ADAMTSL1: variants seen among roughly 807,000 people sequenced by gnomAD.
The protein encoded by ADAMTSL1 is ADAMTS-like protein 1.
A neutral mutation model predicts 201.8 loss-of-function variants in ADAMTSL1; 126 were observed. The ratio of observed to expected loss-of-function variants is 0.62; its 90% CI spans 0.54 to 0.72. The LOEUF (loss-of-function observed/expected upper bound fraction) is 0.72, where lower values mean the gene tolerates loss of function less well. Ranked by LOEUF, ADAMTSL1 falls within the 30% of genes least tolerant of loss-of-function variation. The pLI, the probability that ADAMTSL1 is intolerant of heterozygous loss-of-function variation, is 0.00. For synonymous variants in ADAMTSL1, 1,121 were observed against 903.4 expected (o/e 1.24, Z -4.32); for missense variants, 2,679 against 2,277.8 (o/e 1.18, Z -3.59).
intron 2 of ADAMTSL1, among the ~76,000 whole-genome samples, chr9:18,441,776 G>A (rs542315255): frequency 6.6e-5 from 10 of 152,152 alleles, no homozygotes; most frequent in Admixed American, 2.6e-4. Context: ...AGCCTGGGAG[G>A]GATAACATTT....
chr9:18,229,535 G>C (rs539519671), intron 2 of ADAMTSL1, among the ~76,000 whole-genome samples: 1 of 152,152 alleles, frequency 6.6e-6, no homozygotes, highest in Admixed American at 6.5e-5. Flanking sequence ...GTCTGTCAGA[G>C]GAGATTTTAA....
intron 1 of ADAMTSL1, among the ~76,000 whole-genome samples, chr9:18,494,439 T>TA (rs1822425822): frequency 6.6e-6 from 1 of 151,598 alleles, no homozygotes; most frequent in African/African-American, 2.4e-5. Flanking sequence ...CATTGCATCT[T>TA]AGAGCAGGAG....
At chr9:18,872,646 G>C (rs530251850) in intron 23 of ADAMTSL1, among the ~76,000 whole-genome samples, 2 of 152,136 alleles carry the variant, frequency 1.3e-5, no homozygotes, top group Non-Finnish European at 2.9e-5. Context: ...TTCCATTCAG[G>C]TTGCTGCAAA....
At chr9:18,315,742 A>G (rs1482278798) in intron 2 of ADAMTSL1, among the ~76,000 whole-genome samples, 1 of 152,194 alleles carries the variant, frequency 6.6e-6, no homozygotes, top group Middle Eastern at 3.2e-3. Flanking sequence ...AGAGGGAGCT[A>G]GCTCCGGCCT....
intron 16 of ADAMTSL1, among the ~76,000 whole-genome samples, chr9:18,769,743 C>G (rs1319306500): frequency 1.3e-5 from 2 of 152,132 alleles, no homozygotes; most frequent in African/African-American, 4.8e-5. Flanking sequence ...CGTTTATATC[C>G]CATCGGCCAG....
At chr9:18,705,911 G>GAGGCA (rs1832205034) in intron 13 of ADAMTSL1, among the ~76,000 whole-genome samples, 2 of 152,172 alleles carry the variant, frequency 1.3e-5, no homozygotes, top group African/African-American at 4.8e-5. Context: ...GAGTCACAGG[G>GAGGCA]CAAACCCCAA....
intron 1 of ADAMTSL1, among the ~76,000 whole-genome samples, chr9:18,124,175 T>G (rs991557113): frequency 6.9e-6 from 1 of 144,030 alleles, no homozygotes; most frequent in African/African-American, 2.5e-5. Context: ...CTCTGTGTCC[T>G]GGGTTCAAGT....
chr9:18,615,879 A>G (rs960502233), intron 4 of ADAMTSL1, among the ~76,000 whole-genome samples: 1 of 152,160 alleles, frequency 6.6e-6, no homozygotes, highest in Non-Finnish European at 1.5e-5. Flanking sequence ...GCTGATTAGT[A>G]ATATCTACTG....
In ADAMTSL1 at chr9:18,817,186, A is replaced by G. The variant is rs771145394; in HGVS notation, c.3883A>G (p.Thr1295Ala). 15 of 1,576,314 alleles carry G rather than the reference A, an allele frequency of 9.5e-6. No individual in the cohort carries two copies. Among genetic ancestry groups the G allele is most frequent in the Non-Finnish European group, 1.3e-5 (15 of 1,160,114 alleles). ...KPAVTVDIGS[T>A]IKTVQGVNVT... The stretch of plus-strand genomic sequence containing the variant: ...TGCAGTCACAGTCGATATAGGAAGC[A>G]CCATCAAAACAGTGCAGGGAGTGAA... Residue 1295 changes from threonine (T) to alanine (A), a missense_variant, in exon 21 of 29, where the codon ACC (threonine) becomes GCC (alanine). By Grantham distance (58) the Thr-to-Ala change is moderately conservative. Transcript: ENST00000380548.
intron 1 of ADAMTSL1, among the ~76,000 whole-genome samples, chr9:18,040,092 C>G (rs1162807723): frequency 6.6e-6 from 1 of 152,098 alleles, no homozygotes. Flanking sequence ...ATTTTTAAAA[C>G]CATTATCATT....
intron 2 of ADAMTSL1, among the ~76,000 whole-genome samples, chr9:18,466,873 T>C (rs1160224823): frequency 6.6e-6 from 1 of 152,180 alleles, no homozygotes; most frequent in African/African-American, 2.4e-5. Flanking sequence ...AGGGGAAGAA[T>C]ACTCTGATTT....
intron 2 of ADAMTSL1, among the ~76,000 whole-genome samples, chr9:18,357,369 C>T (rs1399300935): frequency 2.0e-5 from 3 of 151,992 alleles, no homozygotes; most frequent in Non-Finnish European, 4.4e-5. Flanking sequence ...TTGGTAGAAG[C>T]ACTATTAATA....
intron 5 of ADAMTSL1, among the ~76,000 whole-genome samples, chr9:18,633,020 C>A (rs1362593558): frequency 6.6e-6 from 1 of 152,132 alleles, no homozygotes; most frequent in African/African-American, 2.4e-5. Flanking sequence ...GATATTACAG[C>A]ATCAGCCAAG....
chr9:18,050,903 T>C (rs1376191102), intron 1 of ADAMTSL1, among the ~76,000 whole-genome samples: 1 of 152,226 alleles, frequency 6.6e-6, no homozygotes, highest in Non-Finnish European at 1.5e-5. Flanking sequence ...TACCATTGCA[T>C]GTCAATTGGA....
intron 1 of ADAMTSL1, among the ~76,000 whole-genome samples, chr9:17,913,025 G>T (rs1054868151): frequency 6.6e-6 from 1 of 152,100 alleles, no homozygotes; most frequent in Non-Finnish European, 1.5e-5. Context: ...TGAGGGCTCT[G>T]TTCTGTTCTG....
chr9:17,929,174 A>C (rs770537941), intron 1 of ADAMTSL1, among the ~76,000 whole-genome samples: 38 of 152,320 alleles, frequency 2.5e-4, no homozygotes, highest in Non-Finnish European at 1.5e-5. Flanking sequence ...GCTCCTCTTC[A>C]GATTTTTGAG....
At chr9:18,314,047 A>G (rs1834261574) in intron 2 of ADAMTSL1, among the ~76,000 whole-genome samples, 1 of 152,206 alleles carries the variant, frequency 6.6e-6, no homozygotes. Flanking sequence ...TTCTCCAAGG[A>G]CAACGTAAAA....
intron 23 of ADAMTSL1, among the ~76,000 whole-genome samples, chr9:18,856,482 G>A (rs1462519146): frequency 1.2e-4 from 2 of 17,262 alleles, no homozygotes; most frequent in African/African-American, 5.0e-4. Flanking sequence ...TTTTTTTTTT[G>A]AGACGGAGTC....
chr9:18,882,618 C>A (rs1205697864), intron 23 of ADAMTSL1, among the ~76,000 whole-genome samples: 1 of 152,100 alleles, frequency 6.6e-6, no homozygotes, highest in Non-Finnish European at 1.5e-5. Context: ...TGCAGTGACA[C>A]CACCATGGAC....
Sources: allele counts gnomAD v4.1 joint callset (sites outside exome capture counted in the v4.1 genomes callset), GRCh38; gene constraint gnomAD v4.1.1; transcripts MANE v1.5; gene names NCBI Gene and HGNC (gene_info 2026-07-23, HGNC 2026-07-21).